ELMO1: variants seen among roughly 807,000 people sequenced by gnomAD.
ELMO1 encodes the protein engulfment and cell motility 1.
A neutral mutation model predicts 98.9 loss-of-function variants in ELMO1; 26 were observed. The observed-to-expected ratio is 0.26, with a 90% CI of 0.19 to 0.36. The LOEUF is 0.36. Among genes scored for constraint, ELMO1 ranks in the 10% least tolerant of loss-of-function variants. The probability of loss-of-function intolerance (pLI) is 1.00; values close to 1 mark genes in which losing one functional copy is unlikely to be tolerated. For synonymous variants in ELMO1, 346 were observed against 346.0 expected (o/e 1.00, Z 0.00); for missense variants, 627 against 935.2 (o/e 0.67, Z 4.30).
At chr7:37,364,830 G>T (rs1801838256) in intron 1 of ELMO1, among the ~76,000 whole-genome samples, 1 of 152,126 alleles carries the variant, frequency 6.6e-6, no homozygotes, top group Non-Finnish European at 1.5e-5. Context: ...ATTGAAGGTG[G>T]GTCAGAAGTG....
intron 16 of ELMO1, among the ~76,000 whole-genome samples, chr7:37,008,946 T>G (rs1043422487): frequency 6.6e-6 from 1 of 152,174 alleles, no homozygotes; most frequent in Non-Finnish European, 1.5e-5. Flanking sequence ...TGTGGTGCGG[T>G]TGGCCGGTGG....
At chr7:37,410,695 G>C (rs1344561624) in intron 1 of ELMO1, among the ~76,000 whole-genome samples, 1 of 152,164 alleles carries the variant, frequency 6.6e-6, no homozygotes, top group Admixed American at 6.6e-5. Context: ...CTAATACAAT[G>C]AGAAAAACTA....
chr7:37,146,124 T>C (rs1032677016), intron 13 of ELMO1, among the ~76,000 whole-genome samples: 5 of 152,088 alleles, frequency 3.3e-5, no homozygotes, highest in Admixed American at 3.3e-4. Flanking sequence ...AGCCAGGCGG[T>C]TGGATTTTTA....
At chr7:36,954,385 A>T (rs1317227864) in intron 16 of ELMO1, among the ~76,000 whole-genome samples, 2 of 152,188 alleles carry the variant, frequency 1.3e-5, no homozygotes, top group Non-Finnish European at 2.9e-5. Context: ...GGAAGCAGGG[A>T]CAGGAGGGGA....
At chr7:37,075,903 T>G (rs962928297) in intron 15 of ELMO1, among the ~76,000 whole-genome samples, 1 of 152,140 alleles carries the variant, frequency 6.6e-6, no homozygotes, top group Non-Finnish European at 1.5e-5. Context: ...ATGCATTCAT[T>G]AATGTGAAAA....
chr7:37,333,678 T>A (rs1671244813), intron 2 of ELMO1, among the ~76,000 whole-genome samples: 1 of 152,190 alleles, frequency 6.6e-6, no homozygotes, highest in African/African-American at 2.4e-5. Context: ...AGTACCCCAG[T>A]CACTTCATTT....
rs577974950 is a variant in ELMO1 at position 37,137,238 on chromosome 7, T to C, written c.1087-4004A>G. Among the ~76,000 whole-genome samples, 21 of 152,190 alleles carry C rather than the reference T, an allele frequency of 1.4e-4. 1 individual carries two copies. The South Asian group carries it at 4.4e-3, about 32-fold the overall frequency. ...GGGAAATATCACAATACTAAATATA[T>C]ATGCATCTAACACTGGATCTCCCAA... On this transcript the variant is annotated intron_variant, in intron 13 of 21. Transcript: ENST00000310758.
chr7:37,343,847 T>C (rs1427620907), intron 1 of ELMO1, among the ~76,000 whole-genome samples: 1 of 152,192 alleles, frequency 6.6e-6, no homozygotes, highest in African/African-American at 2.4e-5. Context: ...TGTGTTTGTG[T>C]GTACAAAGAC....
intron 4 of ELMO1, among the ~76,000 whole-genome samples, chr7:37,310,730 G>C (rs918745342): frequency 2.0e-5 from 3 of 152,094 alleles, no homozygotes; most frequent in Non-Finnish European, 4.4e-5. Flanking sequence ...CAATGGTACA[G>C]AGGGTTTCTC....
At chr7:37,133,316 GAGTGAAGTGCTACAAGGTA>G in intron 13 of ELMO1, 82 bp from the exon 14 acceptor site, 1 of 1,033,972 alleles carries the variant, frequency 9.7e-7, no homozygotes, top group South Asian at 1.5e-5. Flanking sequence ...CCCTCCTCAA[GAGTGAAGTGCTACAAGGTA>G]AGGTCCAAAT....
At chr7:37,371,585 CA>C (rs1294485442) in intron 1 of ELMO1, among the ~76,000 whole-genome samples, 2 of 152,110 alleles carry the variant, frequency 1.3e-5, no homozygotes, top group African/African-American at 4.8e-5. Flanking sequence ...ATATATATTT[CA>C]ATTGGCTATG....
chr7:37,040,504 G>A (rs1280940785), intron 15 of ELMO1, among the ~76,000 whole-genome samples: 1 of 152,184 alleles, frequency 6.6e-6, no homozygotes, highest in African/African-American at 2.4e-5. Flanking sequence ...GCACCCAGCT[G>A]CCATCAGCAT....
At chr7:36,967,707 A>G (rs575020840) in intron 16 of ELMO1, among the ~76,000 whole-genome samples, 5 of 152,362 alleles carry the variant, frequency 3.3e-5, no homozygotes, top group African/African-American at 1.2e-4. Flanking sequence ...GACATCTTAG[A>G]GATTAATGAT....
At chr7:36,977,679 T>C (rs915532541) in intron 16 of ELMO1, among the ~76,000 whole-genome samples, 2 of 152,220 alleles carry the variant, frequency 1.3e-5, no homozygotes, top group African/African-American at 4.8e-5. Context: ...CCTCTTGAAT[T>C]TGTTTTTACA....
At chr7:37,012,096 G>A (rs755860981) in intron 16 of ELMO1, among the ~76,000 whole-genome samples, 89 of 152,268 alleles carry the variant, frequency 5.8e-4, no homozygotes, top group Admixed American at 1.0e-3. Context: ...GAATTCAATC[G>A]ATGACCAAGA....
At chr7:37,207,507 C>A (rs1473288105) in intron 13 of ELMO1, among the ~76,000 whole-genome samples, 2 of 152,044 alleles carry the variant, frequency 1.3e-5, no homozygotes, top group Non-Finnish European at 2.9e-5. Context: ...GCAAAGATTG[C>A]ACCACTGCAC....
intron 4 of ELMO1, among the ~76,000 whole-genome samples, chr7:37,313,003 C>A (rs1324272857): frequency 6.6e-6 from 1 of 152,210 alleles, no homozygotes; most frequent in Non-Finnish European, 1.5e-5. Context: ...ATACCTTTAA[C>A]TGCTATCATT....
rs753072216 is a variant in ELMO1, at chr7:37,271,893, A to G, written c.193-11T>C. The G allele has an allele frequency of 6.2e-7, 1 of 1,613,434 alleles. No individual in the cohort carries two copies. The highest frequency in any genetic ancestry group is 1.1e-5 in the South Asian group (1 of 90,858). On this transcript the variant is annotated splice_polypyrimidine_tract_variant and intron_variant, in intron 4 of 21. Transcript: ENST00000310758. ...TATCTCATTGCGGTTCTGGAAAAGAAGAAAAAATCTTTGTAAATTTTCAAG... is the reference window on the plus strand; with the variant it reads ...TATCTCATTGCGGTTCTGGAAAAGAGGAAAAAATCTTTGTAAATTTTCAAG...
chr7:37,165,870 T>A lies in ELMO1; in HGVS notation c.1087-32636A>T, dbSNP rs182865665. On this transcript the variant is annotated intron_variant, in intron 13 of 21. Coordinates refer to ENST00000310758, the MANE Select transcript of ELMO1 (RefSeq NM_014800.11). ...GCCTCATAAAATGAGTTAGGGAGGATTCCCTCTTTTTATATTGATTGGAAT... is the reference window on the plus strand; with the variant it reads ...GCCTCATAAAATGAGTTAGGGAGGAATCCCTCTTTTTATATTGATTGGAAT... Among the ~76,000 whole-genome samples the A allele has an allele frequency of 3.4e-3, 514 of 152,300 alleles. 2 individuals are homozygous for A. Among genetic ancestry groups the A allele is most frequent in the African/African-American group, 0.011 (471 of 41,568 alleles).
Sources: allele counts gnomAD v4.1 joint callset (sites outside exome capture counted in the v4.1 genomes callset), GRCh38; gene constraint gnomAD v4.1.1; transcripts MANE v1.5; gene names NCBI Gene and HGNC (gene_info 2026-07-23, HGNC 2026-07-21).